PRKAR1B: variants seen among roughly 807,000 people sequenced by gnomAD.
PRKAR1B encodes the protein cAMP-dependent protein kinase type I-beta regulatory subunit.
Under a neutral mutation model 46.5 loss-of-function variants are expected in PRKAR1B, and 22 were observed. The observed-to-expected ratio is 0.47, with a 90% CI of 0.34 to 0.68. The LOEUF is 0.68. Among genes scored for constraint, PRKAR1B ranks in the 30% least tolerant of loss-of-function variants. PRKAR1B has a pLI of 0.01. For missense variants in PRKAR1B, 445 were observed against 535.6 expected, an observed-to-expected ratio of 0.83 and a Z score of 1.67; for synonymous variants, 259 against 217.7, an observed-to-expected ratio of 1.19 and a Z score of -1.67.
chr7:702,598 C>A (rs1178412194), intron 2 of PRKAR1B, among the ~76,000 whole-genome samples: 1 of 151,996 alleles, frequency 6.6e-6, no homozygotes, highest in Non-Finnish European at 1.5e-5. Context: ...CCGAGGCAGG[C>A]GGATCACGAG....
At chr7:550,679 C>A in intron 10 of PRKAR1B, 77 bp from the exon 11 acceptor site, 1 of 1,281,342 alleles carries the variant, frequency 7.8e-7, no homozygotes, top group Non-Finnish European at 1.0e-6. Context: ...TGTCCAGGAC[C>A]CTGGAAGCGG....
intron 8 of PRKAR1B, among the ~76,000 whole-genome samples, chr7:580,537 G>T (rs966798148): frequency 6.6e-6 from 1 of 152,116 alleles, no homozygotes; most frequent in East Asian, 1.9e-4. Flanking sequence ...CACAGTATAC[G>T]TTCTACTATT....
chr7:715,058 G>A (rs986851474), intron 1 of PRKAR1B, among the ~76,000 whole-genome samples: 2 of 152,094 alleles, frequency 1.3e-5, no homozygotes, highest in East Asian at 1.9e-4. Context: ...GGTCATGCAC[G>A]CCTGTAATCC....
intron 2 of PRKAR1B, among the ~76,000 whole-genome samples, chr7:683,918 C>A (rs1452273068): frequency 1.3e-5 from 2 of 152,256 alleles, no homozygotes; most frequent in East Asian, 3.8e-4. Context: ...GCAGCTGATG[C>A]CCACCTCCAT....
chr7:574,841 C>T (rs1486852531), intron 9 of PRKAR1B, among the ~76,000 whole-genome samples: 2 of 152,240 alleles, frequency 1.3e-5, no homozygotes, highest in African/African-American at 4.8e-5. Flanking sequence ...ACAAATTTGT[C>T]TCTGGGCCAG....
chr7:625,911 G>A (rs1445980356), intron 4 of PRKAR1B, among the ~76,000 whole-genome samples: 1 of 151,736 alleles, frequency 6.6e-6, no homozygotes, highest in Admixed American at 6.6e-5. Context: ...GGGAGGCTGA[G>A]GCAGAAGAAT....
At chr7:715,782 CT>C (rs1780851809) in intron 1 of PRKAR1B, among the ~76,000 whole-genome samples, 2 of 151,860 alleles carry the variant, frequency 1.3e-5, no homozygotes, top group Admixed American at 6.6e-5. Context: ...GTGGCGTGAT[CT>C]CTGCTCACTG....
chr7:658,207 G>A (rs1318263272), intron 4 of PRKAR1B, among the ~76,000 whole-genome samples: 1 of 152,124 alleles, frequency 6.6e-6, no homozygotes, highest in Non-Finnish European at 1.5e-5. Flanking sequence ...GCCAAGGAGG[G>A]AGCACTGCTT....
Position 631,209 on chromosome 7 carries a change from C to T in PRKAR1B, c.441-23757G>A, listed in dbSNP as rs181157263. Among the ~76,000 whole-genome samples, 669 of 152,308 alleles carry T rather than the reference C, an allele frequency of 4.4e-3. 1 individual carries two copies. The highest frequency in any genetic ancestry group is 0.024 in the South Asian group (115 of 4,830). On this transcript the variant is annotated intron_variant, in intron 4 of 10. Transcript: ENST00000537384. ...CAAGTGATCCGCCCACCTTGAACTC[C>T]CAAAGTGTTGGGATGACAGGCGTGA...
intron 8 of PRKAR1B, among the ~76,000 whole-genome samples, chr7:583,121 C>G (rs1352758278): frequency 1.3e-5 from 2 of 152,036 alleles, no homozygotes; most frequent in African/African-American, 4.8e-5. Flanking sequence ...GGACGGGGCT[C>G]TGGGATGGGA....
In PRKAR1B at chr7:549,326, A is replaced by AG. The variant is rs1784032615; in HGVS notation, c.*1103dup. On this transcript the variant is annotated 3_prime_UTR_variant, in exon 11 of 11. Coordinates refer to ENST00000537384, the MANE Select transcript of PRKAR1B (RefSeq NM_001164760.2). ...GCGACGTGGCCGGGGCTGGGTGGGGAGGGGGACCCCACGCATCGTAACCGC... is the reference window on the plus strand; with the variant it reads ...GCGACGTGGCCGGGGCTGGGTGGGGAGGGGGGACCCCACGCATCGTAACCGC... The AG allele has an allele frequency of 6.6e-6, 1 of 151,972 alleles. No individual in the cohort carries two copies. Among genetic ancestry groups the AG allele is most frequent in the Non-Finnish European group, 1.5e-5 (1 of 68,036 alleles). The allele number at this position is 151,972 out of a possible 1,614,324, so 9.4% of individuals were successfully genotyped here.
chr7:580,592 G>A (rs949560922), intron 8 of PRKAR1B, among the ~76,000 whole-genome samples: 6 of 151,986 alleles, frequency 3.9e-5, no homozygotes, highest in African/African-American at 7.3e-5. Flanking sequence ...ATCTTTAAAT[G>A]CTTGCAAACT....
At position 667,388 on chromosome 7, in the gene PRKAR1B, T is replaced by G. The variant is rs1270182643; in HGVS notation, c.440+9841A>C. Among the ~76,000 whole-genome samples the G allele has an allele frequency of 3.3e-5, 5 of 152,198 alleles. No individual in the cohort carries two copies. In the East Asian group the frequency reaches 9.6e-4, roughly 29 times the overall value. ...CTTATAAATGACATCCACAACTCTC[T>G]CCTTCCAAAAGATGTTTTAAACACA... On this transcript the variant is annotated intron_variant, in intron 4 of 10. Coordinates refer to ENST00000537384, the MANE Select transcript of PRKAR1B (RefSeq NM_001164760.2). This position sits in a 1 kb window ranked among gnomAD's most constrained non-coding sequence, Gnocchi z 4.3.
intron 1 of PRKAR1B, among the ~76,000 whole-genome samples, chr7:726,341 AG>A (rs1781277010): frequency 6.6e-6 from 1 of 152,100 alleles, no homozygotes; most frequent in South Asian, 2.1e-4. Context: ...CGGCTCAAAC[AG>A]GGGCTTCCCG....
chr7:644,067 A>C lies in PRKAR1B; in HGVS notation c.440+33162T>G, dbSNP rs147444485. Among the ~76,000 whole-genome samples, 3 of 152,106 alleles carry C rather than the reference A, an allele frequency of 2.0e-5. No individual in the cohort carries two copies. The highest frequency in any genetic ancestry group is 4.4e-5 in the Non-Finnish European group (3 of 68,016). The stretch of plus-strand genomic sequence containing the variant: ...CTACGAAGCTAGGGGCGGCTGCTAC[A>C]CGGCCCACTACACTAAGCCCTAAGT... On this transcript the variant is annotated intron_variant, in intron 4 of 10. Transcript: ENST00000537384. The surrounding 1 kb of genome is among the most constrained non-coding windows in gnomAD (Gnocchi z 4.9).
chr7:576,032 C>T (rs143236349), intron 9 of PRKAR1B, among the ~76,000 whole-genome samples: 2 of 150,406 alleles, frequency 1.3e-5, no homozygotes, highest in African/African-American at 4.9e-5. Context: ...TGCTGGCATC[C>T]TCTCCTCTGC....
chr7:612,562 G>C (rs1782582871), intron 4 of PRKAR1B, among the ~76,000 whole-genome samples: 2 of 152,160 alleles, frequency 1.3e-5, no homozygotes, highest in Admixed American at 1.3e-4. Context: ...TGGATGGACA[G>C]GTGGATGGAC....
At chr7:727,311 G>C (rs1781363965), upstream of PRKAR1B, 11 of 1,282,532 alleles carry the variant, frequency 8.6e-6, no homozygotes, top group Non-Finnish European at 1.1e-5. Context: ...CGCAGGCCAC[G>C]CCCGGTGAGC....
intron 9 of PRKAR1B, among the ~76,000 whole-genome samples, chr7:563,940 G>T (rs951143542): frequency 6.6e-6 from 1 of 152,058 alleles, no homozygotes; most frequent in African/African-American, 2.4e-5. Context: ...GGTGTGCATG[G>T]GTGCACACTG....
Sources: gnomAD v4.1 joint callset for allele counts (sites outside exome capture counted in the v4.1 genomes callset) on GRCh38, gnomAD v4.1.1 for gene constraint, Gnocchi (gnomAD v3.1) non-coding constraint, MANE v1.5 for transcripts, NCBI Gene and HGNC (gene_info 2026-07-23, HGNC 2026-07-21) for gene names.